The following ZDHHC21 variants were observed in gnomAD, a reference collection of about 807,000 sequenced individuals.
ZDHHC21 encodes palmitoyltransferase ZDHHC21.
A neutral mutation model predicts 34.6 loss-of-function variants in ZDHHC21; 15 were observed. That is an observed-to-expected ratio of 0.43 (90% CI 0.29 to 0.67). ZDHHC21 has a LOEUF of 0.67. Among genes scored for constraint, ZDHHC21 ranks in the 30% least tolerant of loss-of-function variants. ZDHHC21 has a pLI of 0.14. For missense variants in ZDHHC21, 344 were observed against 327.7 expected (o/e 1.05, Z -0.38); for synonymous variants, 142 against 101.8 (o/e 1.40, Z -2.38).
At chr9:14,647,203 T>G (rs1162401110) in intron 7 of ZDHHC21, among the ~76,000 whole-genome samples, 2 of 152,048 alleles carry the variant, frequency 1.3e-5, no homozygotes, top group East Asian at 3.9e-4. Flanking sequence ...ATTCCTATAC[T>G]CCTATCTCAT....
chr9:14,651,916 A>C (rs889868967), intron 7 of ZDHHC21, among the ~76,000 whole-genome samples: 2 of 151,906 alleles, frequency 1.3e-5, no homozygotes, highest in Non-Finnish European at 2.9e-5. Context: ...ATCATTACCC[A>C]ATCTACAGGT....
the ZDHHC21 span, chr9:14,593,859 C>T: frequency 6.6e-6 from 1 of 152,438 alleles, no homozygotes; most frequent in South Asian, 2.1e-4. Flanking sequence ...TCTAGACCAC[C>T]TGGTCTCTGC....
At chr9:14,625,042 C>T (rs1564207156) in intron 8 of ZDHHC21, among the ~76,000 whole-genome samples, 1 of 152,014 alleles carries the variant, frequency 6.6e-6, no homozygotes, top group Non-Finnish European at 1.5e-5. Flanking sequence ...CTAAGAAAGA[C>T]TTTCATTTCA....
At chr9:14,692,160 A>T (rs1839253123) in intron 1 of ZDHHC21, among the ~76,000 whole-genome samples, 1 of 152,328 alleles carries the variant, frequency 6.6e-6, no homozygotes, top group African/African-American at 2.4e-5. Flanking sequence ...ATCTCTCCGA[A>T]TTTTACCTTT....
At chr9:14,682,739 T>A (rs1837600238) in intron 2 of ZDHHC21, among the ~76,000 whole-genome samples, 1 of 152,134 alleles carries the variant, frequency 6.6e-6, no homozygotes, top group Non-Finnish European at 1.5e-5. Flanking sequence ...TATACACCCT[T>A]CTCAGCACCA....
chr9:14,641,157 G>A (rs1449326801), intron 7 of ZDHHC21, among the ~76,000 whole-genome samples: 1 of 152,096 alleles, frequency 6.6e-6, no homozygotes, highest in African/African-American at 2.4e-5. Context: ...TGAAACAGAA[G>A]AACTGATACT....
the ZDHHC21 span, among the ~76,000 whole-genome samples, chr9:14,592,583 C>A: frequency 6.6e-6 from 1 of 152,158 alleles, no homozygotes; most frequent in Middle Eastern, 3.4e-3. Flanking sequence ...GATTTCAATA[C>A]CCCATTCTCA....
At chr9:14,600,058 G>C in the ZDHHC21 span, among the ~76,000 whole-genome samples, 1 of 152,114 alleles carries the variant, frequency 6.6e-6, no homozygotes, top group Admixed American at 6.5e-5. Context: ...CATGCTGAAT[G>C]GGCAAAAGCT....
downstream of ZDHHC21, among the ~76,000 whole-genome samples, chr9:14,610,546 A>G (rs2133353940): frequency 6.6e-6 from 1 of 152,156 alleles, no homozygotes; most frequent in African/African-American, 2.4e-5. Flanking sequence ...TCTGTCTTTC[A>G]ATCTCAGGGC....
intron 5 of ZDHHC21, among the ~76,000 whole-genome samples, chr9:14,672,222 G>A (rs1218587299): frequency 6.6e-6 from 1 of 152,078 alleles, no homozygotes; most frequent in African/African-American, 2.4e-5. Flanking sequence ...TCAGTTATAT[G>A]AAACTGCTCA....
chr9:14,600,317 A>T, the ZDHHC21 span, among the ~76,000 whole-genome samples: 1 of 152,256 alleles, frequency 6.6e-6, no homozygotes, highest in African/African-American at 2.4e-5. Flanking sequence ...GTCTCAGGAT[A>T]CAAAATCAAT....
At chr9:14,606,120 C>T (rs1479008570), downstream of ZDHHC21, among the ~76,000 whole-genome samples, 1 of 152,146 alleles carries the variant, frequency 6.6e-6, no homozygotes, top group African/African-American at 2.4e-5. Context: ...TTTAATTCTT[C>T]CATACAACAT....
intron 8 of ZDHHC21, among the ~76,000 whole-genome samples, chr9:14,635,541 G>A (rs539594739): frequency 9.9e-5 from 15 of 152,216 alleles, no homozygotes; most frequent in South Asian, 4.1e-4. Flanking sequence ...TTCAAAGTGC[G>A]GAACGAAAAA....
intron 8 of ZDHHC21, among the ~76,000 whole-genome samples, chr9:14,627,924 A>G (rs1484020237): frequency 6.6e-6 from 1 of 152,118 alleles, no homozygotes; most frequent in Non-Finnish European, 1.5e-5. Flanking sequence ...ATTCAGAAAC[A>G]GCAAAAAAAA....
chr9:14,681,528 C>G (rs1277717775), intron 2 of ZDHHC21, among the ~76,000 whole-genome samples: 2 of 152,138 alleles, frequency 1.3e-5, no homozygotes, highest in African/African-American at 2.4e-5. Context: ...TGGAAAACCA[C>G]TGAGGGATTT....
At chr9:14,664,252 G>C (rs1485778866) in intron 5 of ZDHHC21, among the ~76,000 whole-genome samples, 1 of 152,068 alleles carries the variant, frequency 6.6e-6, no homozygotes, top group African/African-American at 2.4e-5. Flanking sequence ...GGTGACGGAC[G>C]CACCTGGAAA....
chr9:14,636,405 A>T (rs556764854), intron 8 of ZDHHC21, among the ~76,000 whole-genome samples: 8 of 152,320 alleles, frequency 5.3e-5, no homozygotes, highest in Non-Finnish European at 5.9e-5. Flanking sequence ...GTACCCAGAT[A>T]TATAAACCAA....
Position 14,685,194 on chromosome 9 carries a change from T to C in ZDHHC21, c.-175-5032A>G, listed in dbSNP as rs564805730. ...AAAGCAATGGCAACAAAAGCCAAAA[T>C]TGACAAACGGGATCTAATTAAACTA... On this transcript the variant is annotated intron_variant, in intron 2 of 9. Transcript: ENST00000380916. Among the ~76,000 whole-genome samples the C allele has an allele frequency of 8.6e-5, 13 of 151,516 alleles. No individual in the cohort carries two copies. The South Asian group carries it at 2.5e-3, about 29-fold the overall frequency.
At chr9:14,636,758 T>A (rs570262496) in intron 8 of ZDHHC21, among the ~76,000 whole-genome samples, 1 of 152,102 alleles carries the variant, frequency 6.6e-6, no homozygotes, top group Non-Finnish European at 1.5e-5. Context: ...GGAGGAACTT[T>A]GGAAACTATA....
Sources: allele counts gnomAD v4.1 joint callset (sites outside exome capture counted in the v4.1 genomes callset), GRCh38; gene constraint gnomAD v4.1.1; transcripts MANE v1.5; gene names NCBI Gene and HGNC (gene_info 2026-07-23, HGNC 2026-07-21).